ST3GAL4: variants seen among roughly 807,000 people sequenced by gnomAD.
The protein encoded by ST3GAL4 is CMP-N-acetylneuraminate-beta-galactosamide-alpha-2,3-sialyltransferase 4.
ST3GAL4 carries 24 observed loss-of-function variants against 42.6 expected under a neutral mutation model. That is an observed-to-expected ratio of 0.56 (90% CI 0.41 to 0.79). The LOEUF (loss-of-function observed/expected upper bound fraction) is 0.79. Among genes scored for constraint, ST3GAL4 ranks in the 30% least tolerant of loss-of-function variants. The pLI, the probability that ST3GAL4 is intolerant of heterozygous loss-of-function variation, is 0.00. For synonymous variants in ST3GAL4, 135 were observed against 163.2 expected, an observed-to-expected ratio of 0.83 and a Z score of 1.32; for missense variants, 311 against 430.8, an observed-to-expected ratio of 0.72 and a Z score of 2.46.
Position 126,414,141 on chromosome 11 carries a change from A to G in ST3GAL4, c.*94A>G. ...GGGGTGGCTGGTGCCAGTATGACCC[A>G]CTTGGACTCACCCCCTCTTGGGGAG... On this transcript the variant is annotated 3_prime_UTR_variant, in exon 11 of 11. Transcript: ENST00000444328. The G allele has an allele frequency of 1.7e-6, 2 of 1,204,268 alleles. No individual in the cohort carries two copies. The highest frequency in any genetic ancestry group is 2.5e-6 in the Non-Finnish European group (2 of 811,242). The allele number at this position is 1,204,268 out of a possible 1,614,324, so 74.6% of individuals were successfully genotyped here.
rs1016815723 is a variant in ST3GAL4 at position 126,379,084 on chromosome 11, C to T, written c.-61+23242C>T. Among the ~76,000 whole-genome samples, 9 of 152,220 alleles carry T rather than the reference C, an allele frequency of 5.9e-5. No homozygotes were observed. The highest frequency in any genetic ancestry group is 2.0e-4 in the Admixed American group (3 of 15,282). ...TACACTGGTTGATCATAAATATCAG[C>T]CAACTGCCAAGGGAAGGATACCAAC... On this transcript the variant is annotated intron_variant, in intron 1 of 10. Transcript: ENST00000444328. The surrounding 1 kb of genome is among the most constrained non-coding windows in gnomAD (Gnocchi z 4.2).
rs527758741 is a variant in ST3GAL4 at position 126,403,480 on chromosome 11, A to T, written c.-60-2616A>T. The T allele has an allele frequency of 2.5e-5, 25 of 981,512 alleles. No individual in the cohort carries two copies. The Admixed American group carries it at 1.1e-3, about 43-fold the overall frequency. 60.8% of individuals were successfully genotyped at this position (981,512 alleles called of 1,614,324 possible). ...CGCCCAGGCTGCATTTTAGAATCACAGAGGAGGTACGGCGCTGATTTGTTT... is the reference window on the plus strand; with the variant it reads ...CGCCCAGGCTGCATTTTAGAATCACTGAGGAGGTACGGCGCTGATTTGTTT... On this transcript the variant is annotated intron_variant, in intron 1 of 10. Coordinates refer to ENST00000444328, the MANE Select transcript of ST3GAL4 (RefSeq NM_001254757.2).
At position 126,410,055 on chromosome 11, in the gene ST3GAL4, C is replaced by T. The variant is rs1367707873; in HGVS notation, c.771+644C>T. On this transcript the variant is annotated intron_variant, in intron 9 of 10. Coordinates refer to ENST00000444328, the MANE Select transcript of ST3GAL4 (RefSeq NM_001254757.2). The surrounding 1 kb of genome is among the most constrained non-coding windows in gnomAD (Gnocchi z 5.3). ...GTAGCTGTGAGACTACAGGTATGCACCATCACGCCTGGCTAATTTTTAAAT... is the reference window on the plus strand; with the variant it reads ...GTAGCTGTGAGACTACAGGTATGCATCATCACGCCTGGCTAATTTTTAAAT... Among the ~76,000 whole-genome samples, 1 of 152,130 alleles carries T rather than the reference C, an allele frequency of 6.6e-6. No individual in the cohort carries two copies. Among genetic ancestry groups the T allele is most frequent in the Non-Finnish European group, 1.5e-5 (1 of 68,026 alleles).
At chr11:126,407,724 G>T (rs577335255) in intron 6 of ST3GAL4, 90 bp downstream of exon 6, 1 of 1,323,348 alleles carries the variant, frequency 7.6e-7, no homozygotes, top group Admixed American at 2.0e-5. Flanking sequence ...CCCGCTCTGT[G>T]AAACAGTCAT....
intron 1 of ST3GAL4, among the ~76,000 whole-genome samples, chr11:126,402,956 GA>G (rs1265938841): frequency 6.6e-6 from 1 of 152,208 alleles, no homozygotes; most frequent in African/African-American, 2.4e-5. Context: ...GGTCCCCTTG[GA>G]CATGAGTGGA....
rs1953244255 is a variant in ST3GAL4 at position 126,386,858 on chromosome 11, T to G, written c.-60-19238T>G. 6.6e-6 allele frequency among the ~76,000 whole-genome samples: 1 copy of G among 152,136 alleles called. No individual in the cohort carries two copies. Among genetic ancestry groups the G allele is most frequent in the African/African-American group, 2.4e-5 (1 of 41,432 alleles). On this transcript the variant is annotated intron_variant, in intron 1 of 10. Transcript: ENST00000444328. The surrounding 1 kb of genome is among the most constrained non-coding windows in gnomAD (Gnocchi z 4.7). ...GCTCTGAATGGTGTTGCTGCTAATC[T>G]CTACAGCACTTTCCTGTAAATTAGG...
In ST3GAL4 at chr11:126,396,103, G is replaced by A. The variant is rs1030376506; in HGVS notation, c.-60-9993G>A. On this transcript the variant is annotated intron_variant, in intron 1 of 10. Transcript: ENST00000444328. This position sits in a 1 kb window ranked among gnomAD's most constrained non-coding sequence, Gnocchi z 5.8. ...GATCGGGTGGATTCTAACCCTGTGG[G>A]AGAACTCCCCAGCCCGTAGCCTGCG... is the stretch of plus-strand genomic sequence containing the variant. Among the ~76,000 whole-genome samples the A allele has an allele frequency of 1.2e-4, 18 of 151,594 alleles. No homozygotes were observed. The highest frequency in any genetic ancestry group is 2.9e-5 in the Non-Finnish European group (2 of 67,930).
chr11:126,367,373 G>A (rs2135394226), intron 1 of ST3GAL4, among the ~76,000 whole-genome samples: 1 of 152,342 alleles, frequency 6.6e-6, no homozygotes, highest in African/African-American at 2.4e-5. Flanking sequence ...GGCCGTGGCA[G>A]GTCCTTTGTC....
chr11:126,370,763 G>C (rs1259817237), intron 1 of ST3GAL4, among the ~76,000 whole-genome samples: 6 of 150,744 alleles, frequency 4.0e-5, no homozygotes, highest in Non-Finnish European at 8.8e-5. Flanking sequence ...TGCAACCTCT[G>C]CATCCCGGGT....
intron 1 of ST3GAL4, among the ~76,000 whole-genome samples, chr11:126,367,617 C>A (rs972934819): frequency 6.6e-6 from 1 of 152,144 alleles, no homozygotes; most frequent in Non-Finnish European, 1.5e-5. Context: ...GCTCAGGACA[C>A]CTCTGAGGAC....
At chr11:126,404,253 C>G (rs1954133300) in intron 1 of ST3GAL4, among the ~76,000 whole-genome samples, 1 of 152,196 alleles carries the variant, frequency 6.6e-6, no homozygotes, top group Non-Finnish European at 1.5e-5. Context: ...TGGGACTGAT[C>G]TGGCCTTTTT....
At position 126,413,300 on chromosome 11, in the gene ST3GAL4, A is replaced by G. The variant is rs1954609464; in HGVS notation, c.772-205A>G. On this transcript the variant is annotated intron_variant, in intron 9 of 10. Coordinates refer to ENST00000444328, the MANE Select transcript of ST3GAL4 (RefSeq NM_001254757.2). Reference sequence around the variant, plus strand: ...TGTGGCGATTTAAATTTACAATTTAATTAATTAAAATTTAATAAAATAAAT... The same window carrying G: ...TGTGGCGATTTAAATTTACAATTTAGTTAATTAAAATTTAATAAAATAAAT... 15 of 526,648 alleles carry G rather than the reference A, an allele frequency of 2.8e-5. No individual in the cohort carries two copies. The South Asian group carries it at 5.0e-4, about 17-fold the overall frequency. 32.6% of individuals were successfully genotyped at this position (526,648 alleles called of 1,614,324 possible). A position where few individuals can be genotyped will look rare whatever the true frequency, so the allele number is the denominator to read the frequency against.
chr11:126,390,483 G>T (rs1489979323), intron 1 of ST3GAL4, among the ~76,000 whole-genome samples: 1 of 151,930 alleles, frequency 6.6e-6, no homozygotes, highest in African/African-American at 2.4e-5. Flanking sequence ...GTGTCAGTTT[G>T]TACTTCTGCC....
rs111958228 is a variant in ST3GAL4, at chr11:126,391,936, CGTGTGTGTGTGT to C, written c.-60-14135_-60-14124del. On this transcript the variant is annotated intron_variant, in intron 1 of 10. Transcript: ENST00000444328. The surrounding 1 kb of genome is among the most constrained non-coding windows in gnomAD (Gnocchi z 5.5). Reference sequence around the variant, plus strand: ...CTCAGAACACCTGTGATAACTTGGTCGTGTGTGTGTGTGTGTGTGTGTGTGTGTGTGTGTGTA... The same window carrying C: ...CTCAGAACACCTGTGATAACTTGGTCGTGTGTGTGTGTGTGTGTGTGTGTA... Among the ~76,000 whole-genome samples the C allele has an allele frequency of 3.5e-4, 51 of 144,392 alleles. 1 individual carries two copies. The highest frequency in any genetic ancestry group is 4.7e-4 in the Non-Finnish European group (31 of 66,140). The allele number at this position is 144,392 out of a possible 152,430, so 94.7% of individuals were successfully genotyped here.
chr11:126,401,712 C>T (rs867446179), intron 1 of ST3GAL4, among the ~76,000 whole-genome samples: 10 of 152,210 alleles, frequency 6.6e-5, no homozygotes, highest in Middle Eastern at 3.4e-3. Flanking sequence ...CTCTGAGCAG[C>T]GCAGTGAAGA....
At chr11:126,375,553 TACTG>T (rs1238540623) in intron 1 of ST3GAL4, among the ~76,000 whole-genome samples, 1 of 152,158 alleles carries the variant, frequency 6.6e-6, no homozygotes, top group Non-Finnish European at 1.5e-5. Context: ...CTGGGCCGGT[TACTG>T]ACCCCTTTCC....
At chr11:126,399,448 G>A (rs1160785293) in intron 1 of ST3GAL4, among the ~76,000 whole-genome samples, 3 of 151,280 alleles carry the variant, frequency 2.0e-5, no homozygotes, top group Non-Finnish European at 4.4e-5. Context: ...GGGATTTCAG[G>A]TGTGTGCCAC....
chr11:126,408,607 G>T (rs1057259564), intron 8 of ST3GAL4, 111 bp downstream of exon 8: 2 of 1,331,078 alleles, frequency 1.5e-6, no homozygotes, highest in African/African-American at 2.9e-5. Flanking sequence ...GCTGTGAGGG[G>T]ACAGCATGAA....
At position 126,400,376 on chromosome 11, in the gene ST3GAL4, T is replaced by G. The variant is rs1184461518; in HGVS notation, c.-60-5720T>G. On this transcript the variant is annotated intron_variant, in intron 1 of 10. Transcript: ENST00000444328. This position sits in a 1 kb window ranked among gnomAD's most constrained non-coding sequence, Gnocchi z 4.6. ...AGAGCCCCATGATCTAAACACCTTTTATTAGGCCCTGCTTATACTGTTGCA... is the reference window on the plus strand; with the variant it reads ...AGAGCCCCATGATCTAAACACCTTTGATTAGGCCCTGCTTATACTGTTGCA... Among the ~76,000 whole-genome samples, 2 of 152,204 alleles carry G rather than the reference T, an allele frequency of 1.3e-5. No individual in the cohort carries two copies. The highest frequency in any genetic ancestry group is 1.5e-5 in the Non-Finnish European group (1 of 68,038).
Sources: gnomAD v4.1 joint callset for allele counts (sites outside exome capture counted in the v4.1 genomes callset) on GRCh38, gnomAD v4.1.1 for gene constraint, Gnocchi (gnomAD v3.1) non-coding constraint, MANE v1.5 for transcripts, NCBI Gene and HGNC (gene_info 2026-07-23, HGNC 2026-07-21) for gene names.